Variants in TP63 observed in about 807,000 individuals in gnomAD.
TP63 encodes tumor protein 63.
Under a neutral mutation model 82.8 loss-of-function variants are expected in TP63, and 17 were observed. That is an observed-to-expected ratio of 0.21 (90% CI 0.14 to 0.31). The LOEUF (loss-of-function observed/expected upper bound fraction) is 0.31, where lower values mean the gene tolerates loss of function less well. Among genes scored for constraint, TP63 ranks in the 10% least tolerant of loss-of-function variants. TP63 has a pLI of 1.00. For missense variants in TP63, 648 were observed against 895.3 expected, an observed-to-expected ratio of 0.72 and a Z score of 3.52; for synonymous variants, 330 against 321.7, an observed-to-expected ratio of 1.03 and a Z score of -0.28.
intron 1 of TP63, among the ~76,000 whole-genome samples, chr3:189,728,781 A>C (rs1367438886): frequency 6.6e-6 from 1 of 152,134 alleles, no homozygotes; most frequent in Non-Finnish European, 1.5e-5. Flanking sequence ...AAACCATCAG[A>C]TCTCATGAGA....
chr3:189,829,872 AT>A (rs765859907), intron 4 of TP63: 14 of 381,122 alleles, frequency 3.7e-5, no homozygotes, highest in South Asian at 1.2e-4. Flanking sequence ...TATAACCTTA[AT>A]TTTTTTCAAC....
chr3:189,889,555 A>G, intron 12 of TP63, 71 bp downstream of exon 12: 1 of 1,597,402 alleles, frequency 6.3e-7, no homozygotes, highest in Admixed American at 1.7e-5. Context: ...GGATACTGTT[A>G]TAGTCCATAA....
At chr3:189,841,522 C>G (rs1211991025) in intron 4 of TP63, among the ~76,000 whole-genome samples, 1 of 152,164 alleles carries the variant, frequency 6.6e-6, no homozygotes, top group Non-Finnish European at 1.5e-5. Flanking sequence ...ATTACCATTA[C>G]TGGAACAGAG....
At chr3:189,610,870 G>A in the TP63 span, among the ~76,000 whole-genome samples, 1 of 152,170 alleles carries the variant, frequency 6.6e-6, no homozygotes, top group African/African-American at 2.4e-5. Context: ...ATGGCAGAAG[G>A]CAAGGAGGAG....
At chr3:189,794,189 AACTG>A (rs1439582517) in intron 3 of TP63, among the ~76,000 whole-genome samples, 9 of 152,092 alleles carry the variant, frequency 5.9e-5, no homozygotes, top group Non-Finnish European at 1.3e-4. Flanking sequence ...TTAGAAGAAG[AACTG>A]ACTGACTCTT....
rs567632308 is a variant in TP63, at chr3:189,840,902, A to T, written c.580-23330A>T. Among the ~76,000 whole-genome samples, 58 of 151,306 alleles carry T rather than the reference A, an allele frequency of 3.8e-4. 1 individual carries two copies. The South Asian group carries it at 7.5e-3, about 20-fold the overall frequency. ...AACAACTATTCAAGGTTTCCCAATA[A>T]CCTTCTTGGGCTTTGAAGCTAGAGA... On this transcript the variant is annotated intron_variant, in intron 4 of 13. Transcript: ENST00000264731.
chr3:189,695,899 T>G (rs560440959), intron 1 of TP63, among the ~76,000 whole-genome samples: 1 of 152,278 alleles, frequency 6.6e-6, no homozygotes, highest in East Asian at 1.9e-4. Flanking sequence ...TACGTTAAAT[T>G]TTATAGATTC....
chr3:189,720,580 C>A (rs1325896475), intron 1 of TP63, among the ~76,000 whole-genome samples: 1 of 151,618 alleles, frequency 6.6e-6, no homozygotes, highest in Non-Finnish European at 1.5e-5. Flanking sequence ...ACGAAAAATA[C>A]AAAATTAGCC....
the TP63 span, among the ~76,000 whole-genome samples, chr3:189,613,788 A>C: frequency 6.6e-6 from 1 of 152,212 alleles, no homozygotes; most frequent in Admixed American, 6.5e-5. Context: ...CCTGGAGTCA[A>C]AGGAGATCAT....
chr3:189,859,327 AT>A (rs939263662), intron 4 of TP63, among the ~76,000 whole-genome samples: 2 of 152,140 alleles, frequency 1.3e-5, no homozygotes, highest in Non-Finnish European at 2.9e-5. Context: ...CTGTATTACA[AT>A]TTTTTTAACT....
chr3:189,766,707 G>T (rs1258139098), intron 3 of TP63, among the ~76,000 whole-genome samples: 1 of 151,962 alleles, frequency 6.6e-6, no homozygotes, highest in African/African-American at 2.4e-5. Flanking sequence ...CATAAATCAT[G>T]TTTAAAAAAA....
At chr3:189,797,184 G>A (rs1157809250) in intron 3 of TP63, among the ~76,000 whole-genome samples, 1 of 152,058 alleles carries the variant, frequency 6.6e-6, no homozygotes, top group East Asian at 1.9e-4. Flanking sequence ...CTGAAAGAGG[G>A]AATTTTGAGT....
chr3:189,696,662 C>A, intron 1 of TP63, among the ~76,000 whole-genome samples: 1 of 152,122 alleles, frequency 6.6e-6, no homozygotes, highest in Non-Finnish European at 1.5e-5. Context: ...TGCATTCTCA[C>A]CAGCAATGAA....
At chr3:189,599,034 T>C in the TP63 span, among the ~76,000 whole-genome samples, 1 of 152,244 alleles carries the variant, frequency 6.6e-6, no homozygotes, top group Non-Finnish European at 1.5e-5. Flanking sequence ...GTTTGGATAA[T>C]GTCCAAGCTC....
rs1405892109 is a variant in TP63, at chr3:189,633,089, TAA to T, written c.62+1513_62+1514del. 2.6e-5 allele frequency among the ~76,000 whole-genome samples: 4 copies of T among 152,178 alleles called. No homozygotes were observed. The East Asian group carries it at 5.8e-4, about 22-fold the overall frequency. On this transcript the variant is annotated intron_variant, in intron 1 of 13. Coordinates refer to ENST00000264731, the MANE Select transcript of TP63 (RefSeq NM_003722.5). ...ACCTCTCTAGAAGCATTTCTAATGA[TAA>T]GAGAGGCCTATAAATATAAAGAAAT...
intron 3 of TP63, among the ~76,000 whole-genome samples, chr3:189,754,852 T>C (rs2108527723): frequency 6.6e-6 from 1 of 152,290 alleles, no homozygotes; most frequent in Non-Finnish European, 1.5e-5. Flanking sequence ...ATACATTCTC[T>C]TTTTCCTTTT....
chr3:189,648,085 A>C (rs1712579384), intron 1 of TP63, among the ~76,000 whole-genome samples: 1 of 147,224 alleles, frequency 6.8e-6, no homozygotes, highest in Non-Finnish European at 1.5e-5. Context: ...AGGCTCTGTA[A>C]TTTTAAGAAA....
At chr3:189,797,601 T>TG (rs1725846799) in intron 3 of TP63, among the ~76,000 whole-genome samples, 1 of 152,018 alleles carries the variant, frequency 6.6e-6, no homozygotes, top group Non-Finnish European at 1.5e-5. Flanking sequence ...ATCAGATGTT[T>TG]GGGGAATGGC....
intron 4 of TP63, among the ~76,000 whole-genome samples, chr3:189,814,806 C>T (rs929808707): frequency 1.3e-5 from 2 of 152,178 alleles, no homozygotes; most frequent in East Asian, 1.9e-4. Context: ...TCTAGGTTAA[C>T]GTATTCGTGA....
Sources: gnomAD v4.1 joint callset for allele counts (sites outside exome capture counted in the v4.1 genomes callset) on GRCh38, gnomAD v4.1.1 for gene constraint, MANE v1.5 for transcripts, NCBI Gene and HGNC (gene_info 2026-07-23, HGNC 2026-07-21) for gene names.